Variants in CUZD1 observed in about 807,000 individuals in gnomAD.
The protein encoded by CUZD1 is CUB and zona pellucida-like domain-containing protein 1.
CUZD1 carries 42 observed loss-of-function variants against 53.1 expected under a neutral mutation model. The observed-to-expected ratio is 0.79, with a 90% CI of 0.62 to 1.02. The LOEUF is 1.02. Ranked by LOEUF, CUZD1 falls within the 50% of genes least tolerant of loss-of-function variation. The pLI is 0.00. For missense variants in CUZD1, 670 were observed against 715.7 expected (o/e 0.94, Z 0.73); for synonymous variants, 238 against 257.2 (o/e 0.93, Z 0.71).
chr10:122,839,377 C>A (rs1409329996), intron 2 of CUZD1, 146 bp from the exon 3 acceptor site: 21 of 658,830 alleles, frequency 3.2e-5, no homozygotes, highest in Middle Eastern at 4.0e-4. Flanking sequence ...AATCACCAAC[C>A]CCACCATCCT....
At chr10:122,837,212 G>A (rs1847267863) in intron 4 of CUZD1, 164 bp from the exon 5 acceptor site, 8 of 831,544 alleles carry the variant, frequency 9.6e-6, no homozygotes, top group Non-Finnish European at 1.3e-5. Context: ...TCTCTGACAA[G>A]GACCTCAGAA....
chr10:122,840,826 G>A (rs1239807022), intron 2 of CUZD1, among the ~76,000 whole-genome samples: 1 of 152,120 alleles, frequency 6.6e-6, no homozygotes, highest in Non-Finnish European at 1.5e-5. Flanking sequence ...AGAAAAATTT[G>A]GAACCAAAGT....
chr10:122,837,331 T>C, intron 4 of CUZD1, 73 bp downstream of exon 4: 1 of 1,502,994 alleles, frequency 6.7e-7, no homozygotes, highest in Non-Finnish European at 9.2e-7. Flanking sequence ...TGATAATTTC[T>C]CTTCCCCAAA....
intron 7 of CUZD1, 47 bp downstream of exon 7, chr10:122,834,659 T>G: frequency 7.0e-7 from 1 of 1,433,618 alleles, no homozygotes; most frequent in Non-Finnish European, 9.3e-7. Flanking sequence ...AAATTATTAT[T>G]CCACAGGAAG....
At position 122,837,456 on chromosome 10, in the gene CUZD1, GC is replaced by G; in HGVS notation, c.546del (p.Trp182CysfsTer11). Reference protein sequence around the residue: ...KPHPELAYCVWHIQVEKDYKI... With the variant: ...KPHPELAYCVXHIQVEKDYKI... ...TTGTAATCTTTCTCCACTTGTATGT[GC>G]CACACACAATAAGCCAGCTCAGGAT... On this transcript the variant is annotated frameshift_variant, in exon 4 of 9. Coordinates refer to ENST00000392790, the MANE Select transcript of CUZD1 (RefSeq NM_022034.6). LOFTEE classifies it high-confidence loss of function. 6.2e-7 allele frequency: 1 copy of G among 1,613,984 alleles called. No individual in the cohort carries two copies. The highest frequency in any genetic ancestry group is 1.1e-5 in the South Asian group (1 of 91,060).
intron 3 of CUZD1, chr10:122,837,770 G>A (rs1847276657): frequency 6.8e-6 from 3 of 440,692 alleles, no homozygotes; most frequent in South Asian, 1.1e-4. Context: ...ATTGCCAAAC[G>A]AATCATATTA....
At position 122,833,708 on chromosome 10, in the gene CUZD1, G is replaced by A. The variant is rs556196978; in HGVS notation, c.1615C>T (p.Arg539Cys). ...CTTGCACTTCGATCCCTTTTCAGAC[G>A]AATGGGTCCTATGATGGAATCTGTT... ...WKTDSIIGPI[R>C]LKRDRSASGN... Residue 539 changes from arginine (R) to cysteine (C), a missense_variant, in exon 8 of 9, where the codon CGT becomes TGT. Arg to Cys is a radical substitution (Grantham distance 180, BLOSUM62 -3). Coordinates refer to ENST00000392790, the MANE Select transcript of CUZD1 (RefSeq NM_022034.6). 20 of 1,613,698 alleles carry A rather than the reference G, an allele frequency of 1.2e-5. No homozygotes were observed. Among genetic ancestry groups the A allele is most frequent in the Middle Eastern group, 1.6e-4 (1 of 6,062 alleles).
Position 122,843,806 on chromosome 10 carries a change from C to CATAT in CUZD1, c.82+1955_82+1956insATAT, listed in dbSNP as rs1376406613. ...CAGACTTTCTTCATACATATATATA[C>CATAT]ATACATATATATATATATATATATA... On this transcript the variant is annotated intron_variant, in intron 1 of 8. Transcript: ENST00000392790. 4.5e-3 allele frequency among the ~76,000 whole-genome samples: 571 copies of CATAT among 127,888 alleles called. 3 individuals carry two copies. Among genetic ancestry groups the CATAT allele is most frequent in the East Asian group, 0.031 (153 of 4,910 alleles). The allele number at this position is 127,888 out of a possible 152,430, so 83.9% of individuals were successfully genotyped here. A position where few individuals can be genotyped will look rare whatever the true frequency, so the allele number is the denominator to read the frequency against.
At chr10:122,840,815 T>A (rs1015855922) in intron 2 of CUZD1, among the ~76,000 whole-genome samples, 1 of 152,090 alleles carries the variant, frequency 6.6e-6, no homozygotes, top group African/African-American at 2.4e-5. Flanking sequence ...TTCAAATGCA[T>A]AGAAAAATTT....
rs1220746997 is a variant in CUZD1, at chr10:122,839,177, G to C, written c.288C>G (p.Thr96=). Residue 96 remains threonine (T), a synonymous_variant, in exon 3 of 9, where the codon ACC becomes ACG. Transcript: ENST00000392790. The part of the protein sequence containing the change: ...ESENIKVFDG[T]SSNGPLLGQV... ...GCCCTAGCAGAGGCCCATTGCTGGAGGTTCCGTCAAAGACTTTAATGTTTT... is the reference window on the plus strand; with the variant it reads ...GCCCTAGCAGAGGCCCATTGCTGGACGTTCCGTCAAAGACTTTAATGTTTT... 6 of 1,614,132 alleles carry C rather than the reference G, an allele frequency of 3.7e-6. No homozygotes were observed.
At chr10:122,835,156 T>C in intron 6 of CUZD1, 59 bp from the exon 7 acceptor site, 2 of 1,326,644 alleles carry the variant, frequency 1.5e-6, no homozygotes, top group East Asian at 2.4e-5. Context: ...TTTTAGAGCA[T>C]AGATGTGGAT....
chr10:122,841,103 C>A, intron 2 of CUZD1, 75 bp downstream of exon 2: 1 of 1,387,914 alleles, frequency 7.2e-7, no homozygotes, highest in Non-Finnish European at 9.8e-7. Flanking sequence ...ATTCTTTCTA[C>A]AGAGAGTCCC....
At chr10:122,832,519 TATA>T in intron 8 of CUZD1, 69 bp from the exon 9 acceptor site, 1 of 1,395,420 alleles carries the variant, frequency 7.2e-7, no homozygotes, top group South Asian at 1.2e-5. Context: ...TGGTAGCTTT[TATA>T]ATACCTGTAC....
chr10:122,832,334 T>C lies in CUZD1; in HGVS notation c.1768A>G (p.Arg590Gly). ...NVVTVATITV[R>G]HFVNQRADYK... ...TCTGCCCGTTGATTTACAAAATGCC[T>C]CACTGTGATTGTCGCTACAGTCACC... The change falls in exon 9 of 9, where the codon AGG becomes GGG. Residue 590 changes from arginine (R) to glycine (G), a missense_variant. Coordinates refer to ENST00000392790, the MANE Select transcript of CUZD1 (RefSeq NM_022034.6). 1 of 1,614,162 alleles carries C rather than the reference T, an allele frequency of 6.2e-7. No individual in the cohort carries two copies. Among genetic ancestry groups the C allele is most frequent in the Non-Finnish European group, 8.5e-7 (1 of 1,180,002 alleles).
intron 4 of CUZD1, 111 bp downstream of exon 4, chr10:122,837,293 A>C: frequency 8.8e-7 from 1 of 1,139,338 alleles, no homozygotes; most frequent in Admixed American, 2.1e-5. Context: ...CAATTCTTTG[A>C]AAAGTGCCCA....
intron 8 of CUZD1, among the ~76,000 whole-genome samples, chr10:122,833,401 C>T (rs377647568): frequency 2.2e-4 from 33 of 152,114 alleles, no homozygotes; most frequent in South Asian, 1.2e-3. Flanking sequence ...CTAAAAGAAA[C>T]TTGTTTTTAG....
intron 1 of CUZD1, among the ~76,000 whole-genome samples, chr10:122,844,865 C>T (rs1847411222): frequency 6.6e-6 from 1 of 152,074 alleles, no homozygotes; most frequent in African/African-American, 2.4e-5. Context: ...TTTATTCTCC[C>T]ATATACTCCC....
intron 1 of CUZD1, 30 bp downstream of exon 1, chr10:122,845,732 T>C (rs1847428237): frequency 6.2e-7 from 1 of 1,600,582 alleles, no homozygotes; most frequent in Non-Finnish European, 8.5e-7. Flanking sequence ...TTCTCTGTTT[T>C]GGTGAATAAA....
chr10:122,845,835 A>G lies in CUZD1; in HGVS notation c.9T>C (p.Leu3=), dbSNP rs1168059092. ME[L]VRRLMPLTLL... ...GGGTCAATGGCATGAGCCTTCTTAC[A>G]AGCTCCATTTTGGCAAGGCGCTGGG... The change falls in exon 1 of 9, where the codon CTT becomes CTC. Residue 3 remains leucine (L), a synonymous_variant. Transcript: ENST00000392790. 6.2e-7 allele frequency: 1 copy of G among 1,613,916 alleles called. No homozygotes were observed. The highest frequency in any genetic ancestry group is 1.1e-5 in the South Asian group (1 of 90,898).
Sources: gnomAD v4.1 joint callset for allele counts (sites outside exome capture counted in the v4.1 genomes callset) on GRCh38, gnomAD v4.1.1 for gene constraint, MANE v1.5 for transcripts, NCBI Gene and HGNC (gene_info 2026-07-23, HGNC 2026-07-21) for gene names.